The following UBE2E2 variants were observed in gnomAD, a reference collection of about 807,000 sequenced individuals.
UBE2E2 encodes the protein ubiquitin conjugating enzyme E2 E2.
Under a neutral mutation model 24.7 loss-of-function variants are expected in UBE2E2, and 6 were observed. The observed-to-expected ratio is 0.24, with a 90% CI of 0.13 to 0.48. The LOEUF (loss-of-function observed/expected upper bound fraction) is 0.48, where lower values mean the gene tolerates loss of function less well. Ranked by LOEUF, UBE2E2 falls within the 20% of genes least tolerant of loss-of-function variation. The probability of loss-of-function intolerance (pLI) is 0.99; values close to 1 mark genes in which losing one functional copy is unlikely to be tolerated. For synonymous variants in UBE2E2, 104 were observed against 83.6 expected (o/e 1.24, Z -1.33); for missense variants, 169 against 245.0 (o/e 0.69, Z 2.07).
At chr3:23,422,185 G>A (rs900340952) in intron 3 of UBE2E2, among the ~76,000 whole-genome samples, 4 of 152,158 alleles carry the variant, frequency 2.6e-5, no homozygotes, top group Admixed American at 2.6e-4. Context: ...AAAGAAGTAG[G>A]TTAAGAGAGA....
chr3:23,247,448 G>A (rs1000210272), intron 3 of UBE2E2, among the ~76,000 whole-genome samples: 10 of 150,404 alleles, frequency 6.6e-5, no homozygotes, highest in African/African-American at 1.5e-4. Context: ...TCTGCCTCCC[G>A]CGTACAAGCG....
chr3:23,362,200 CAG>C (rs543071838), intron 3 of UBE2E2, among the ~76,000 whole-genome samples: 47 of 152,228 alleles, frequency 3.1e-4, no homozygotes, highest in Middle Eastern at 3.4e-3. Context: ...CAGGGGGACA[CAG>C]AGAGCAGAGA....
intron 3 of UBE2E2, among the ~76,000 whole-genome samples, chr3:23,381,302 G>C (rs115508317): frequency 2.9e-3 from 444 of 152,308 alleles, no homozygotes; most frequent in African/African-American, 0.01. Flanking sequence ...TGGTAAGAAT[G>C]TGTAGAAAAA....
intron 3 of UBE2E2, among the ~76,000 whole-genome samples, chr3:23,473,287 T>G (rs576502686): frequency 1.3e-5 from 2 of 152,240 alleles, no homozygotes; most frequent in African/African-American, 4.8e-5. Flanking sequence ...AGAAAGAACA[T>G]TAATATTTTC....
At position 23,407,140 on chromosome 3, in the gene UBE2E2, A is replaced by G. The variant is rs1044366223; in HGVS notation, c.228-92468A>G. 3.9e-5 allele frequency among the ~76,000 whole-genome samples: 6 copies of G among 152,194 alleles called. No homozygotes were observed. The highest frequency in any genetic ancestry group is 1.2e-4 in the African/African-American group (5 of 41,454). On this transcript the variant is annotated intron_variant, in intron 3 of 5. Transcript: ENST00000396703. This position sits in a 1 kb window ranked among gnomAD's most constrained non-coding sequence, Gnocchi z 4.0. ...TCTCCAAAGATGTCATCAAGAAGGT[A>G]TAGTCTCCCTTTTTCTCTTGAGAAC...
intron 4 of UBE2E2, among the ~76,000 whole-genome samples, chr3:23,527,876 G>T (rs1030892616): frequency 2.0e-5 from 3 of 148,170 alleles, no homozygotes; most frequent in Non-Finnish European, 4.4e-5. Context: ...CTTCTTAACT[G>T]TTCAGCTGTA....
At chr3:23,574,494 C>G (rs1696300090) in intron 5 of UBE2E2, among the ~76,000 whole-genome samples, 1 of 151,870 alleles carries the variant, frequency 6.6e-6, no homozygotes, top group African/African-American at 2.4e-5. Context: ...CTCATGTACC[C>G]CATCAATATA....
At chr3:23,435,971 A>T (rs984641244) in intron 3 of UBE2E2, among the ~76,000 whole-genome samples, 5 of 152,106 alleles carry the variant, frequency 3.3e-5, no homozygotes, top group African/African-American at 1.2e-4. Context: ...TTAGATTCTC[A>T]TAAGGAGCGC....
At chr3:23,219,791 A>G (rs1006059402) in intron 3 of UBE2E2, among the ~76,000 whole-genome samples, 1 of 152,128 alleles carries the variant, frequency 6.6e-6, no homozygotes, top group African/African-American at 2.4e-5. Context: ...TGTAAAGATT[A>G]TATGTGAGGG....
chr3:23,355,279 A>G (rs1020356376), intron 3 of UBE2E2, among the ~76,000 whole-genome samples: 3 of 151,950 alleles, frequency 2.0e-5, no homozygotes, highest in Admixed American at 2.0e-4. Flanking sequence ...ACCTAATGCT[A>G]CATGACGAGT....
chr3:23,561,865 T>C (rs1695940009), intron 5 of UBE2E2, among the ~76,000 whole-genome samples: 1 of 152,120 alleles, frequency 6.6e-6, no homozygotes, highest in Non-Finnish European at 1.5e-5. Context: ...ATGATTTGGC[T>C]CTCTGTCTGT....
chr3:23,571,786 C>T (rs1696238650), intron 5 of UBE2E2, among the ~76,000 whole-genome samples: 1 of 152,262 alleles, frequency 6.6e-6, no homozygotes, highest in South Asian at 2.1e-4. Flanking sequence ...TCTTTACTAA[C>T]GAATCTCTTG....
chr3:23,402,124 G>A (rs1697241099), intron 3 of UBE2E2, among the ~76,000 whole-genome samples: 2 of 152,070 alleles, frequency 1.3e-5, no homozygotes, highest in African/African-American at 4.8e-5. Context: ...AAAGTGCTGG[G>A]ATTACAGGCG....
At chr3:23,403,879 C>T (rs1486482274) in intron 3 of UBE2E2, among the ~76,000 whole-genome samples, 1 of 149,290 alleles carries the variant, frequency 6.7e-6, no homozygotes, top group Non-Finnish European at 1.5e-5. Context: ...ACAAAAAGTA[C>T]TTTCTACTTC....
chr3:23,354,671 G>A (rs9853847), intron 3 of UBE2E2, among the ~76,000 whole-genome samples: 82,842 of 151,862 alleles, frequency 0.55, 22,818 homozygotes, highest in Admixed American at 0.66. Flanking sequence ...AATCAAAACC[G>A]CAATGAGATA....
intron 3 of UBE2E2, among the ~76,000 whole-genome samples, chr3:23,324,704 T>C (rs1694836872): frequency 6.6e-6 from 1 of 152,056 alleles, no homozygotes; most frequent in Non-Finnish European, 1.5e-5. Context: ...TATGTATAAT[T>C]GAGTAAAGCT....
intron 5 of UBE2E2, among the ~76,000 whole-genome samples, chr3:23,543,624 G>T (rs13071171): frequency 0.059 from 9,015 of 151,588 alleles, 438 homozygotes; most frequent in Non-Finnish European, 0.086. Flanking sequence ...AGTCAATATT[G>T]TGAAAATGAC....
chr3:23,252,643 C>G (rs180788960), intron 3 of UBE2E2, among the ~76,000 whole-genome samples: 1 of 152,146 alleles, frequency 6.6e-6, no homozygotes, highest in Admixed American at 6.5e-5. Flanking sequence ...ATTACAGGCA[C>G]GTGCCGCCGC....
chr3:23,386,533 A>G (rs1224912878), intron 3 of UBE2E2, among the ~76,000 whole-genome samples: 4 of 152,238 alleles, frequency 2.6e-5, no homozygotes, highest in Non-Finnish European at 4.4e-5. Context: ...TATTCTGTAG[A>G]TGAATAATAA....
Sources: allele counts gnomAD v4.1 joint callset (sites outside exome capture counted in the v4.1 genomes callset), GRCh38; gene constraint gnomAD v4.1.1; non-coding constraint Gnocchi (gnomAD v3.1); transcripts MANE v1.5; gene names NCBI Gene and HGNC (gene_info 2026-07-23, HGNC 2026-07-21).